LARGE1: variants seen among roughly 807,000 people sequenced by gnomAD.
The protein encoded by LARGE1 is LARGE xylosyl- and glucuronyltransferase 1.
Under a neutral mutation model 87.6 loss-of-function variants are expected in LARGE1, and 43 were observed. That is an observed-to-expected ratio of 0.49 (90% CI 0.38 to 0.63). LARGE1 has a LOEUF of 0.63. Among genes scored for constraint, LARGE1 ranks in the 30% least tolerant of loss-of-function variants. LARGE1 has a pLI of 0.00. For missense variants in LARGE1, 802 were observed against 1,000.2 expected (o/e 0.80, Z 2.67); for synonymous variants, 434 against 394.6 (o/e 1.10, Z -1.18).
chr22:33,187,901 AAC>A (rs1923564656), intron 11 of LARGE1, among the ~76,000 whole-genome samples: 1 of 127,934 alleles, frequency 7.8e-6, no homozygotes, highest in African/African-American at 3.0e-5. Flanking sequence ...TCTCCTGGGC[AAC>A]AGAGTGAGAC....
At chr22:33,128,680 C>CAAAA in the LARGE1 span, among the ~76,000 whole-genome samples, 109 of 110,268 alleles carry the variant, frequency 9.9e-4, no homozygotes, top group Admixed American at 2.9e-3. Flanking sequence ...GTCTCAAAAA[C>CAAAA]AAAAAAAAAA....
chr22:33,831,317 G>A (rs541377756), intron 1 of LARGE1, among the ~76,000 whole-genome samples: 8 of 152,222 alleles, frequency 5.3e-5, no homozygotes, highest in African/African-American at 9.6e-5. Context: ...GAAAGAATTC[G>A]TAAAAAGTCC....
At chr22:33,632,996 G>A (rs1393234641) in intron 3 of LARGE1, among the ~76,000 whole-genome samples, 1 of 152,188 alleles carries the variant, frequency 6.6e-6, no homozygotes, top group African/African-American at 2.4e-5. Context: ...ATACAGGTAA[G>A]GTAGTGCAGA....
At chr22:33,737,161 A>G (rs893881805) in intron 2 of LARGE1, among the ~76,000 whole-genome samples, 1 of 152,190 alleles carries the variant, frequency 6.6e-6, no homozygotes, top group Admixed American at 6.5e-5. Flanking sequence ...TATTTGTCCC[A>G]TAACTGTTTC....
At chr22:33,455,109 C>T (rs2068080768) in intron 6 of LARGE1, among the ~76,000 whole-genome samples, 1 of 152,162 alleles carries the variant, frequency 6.6e-6, no homozygotes, top group African/African-American at 2.4e-5. Context: ...AAGACTTGAC[C>T]CAGGACACCT....
At chr22:33,564,086 TA>T (rs1458300861) in intron 6 of LARGE1, among the ~76,000 whole-genome samples, 11 of 152,142 alleles carry the variant, frequency 7.2e-5, no homozygotes, top group African/African-American at 2.7e-4. Flanking sequence ...AGCGTGCAAT[TA>T]AAAAAATATA....
At chr22:33,731,905 A>G (rs2083482863) in intron 2 of LARGE1, among the ~76,000 whole-genome samples, 1 of 152,220 alleles carries the variant, frequency 6.6e-6, no homozygotes, top group South Asian at 2.1e-4. Flanking sequence ...AGCTTTAGAT[A>G]TAGTCACTGA....
chr22:33,409,801 C>T (rs1428968144), intron 7 of LARGE1, among the ~76,000 whole-genome samples: 2 of 144,744 alleles, frequency 1.4e-5, no homozygotes, highest in African/African-American at 2.6e-5. Context: ...GCAGAGGTTG[C>T]AGTGAGCCAA....
At chr22:33,352,317 A>T (rs1309377606) in intron 9 of LARGE1, among the ~76,000 whole-genome samples, 1 of 152,234 alleles carries the variant, frequency 6.6e-6, no homozygotes, top group African/African-American at 2.4e-5. Context: ...ACCAGGAAAG[A>T]CTGTGACATT....
In LARGE1 at chr22:33,273,190, T is replaced by A; in HGVS notation, c.*1237A>T. The A allele has an allele frequency of 5.2e-6, 2 of 387,936 alleles. No individual in the cohort carries two copies. The highest frequency in any genetic ancestry group is 9.1e-6 in the Non-Finnish European group (2 of 219,718). The allele number at this position is 387,936 out of a possible 1,614,324, so 24.0% of individuals were successfully genotyped here. A position where few individuals can be genotyped will look rare whatever the true frequency, so the allele number is the denominator to read the frequency against. On this transcript the variant is annotated 3_prime_UTR_variant, in exon 15 of 15. Coordinates refer to ENST00000397394, the MANE Select transcript of LARGE1 (RefSeq NM_133642.5). ...GGGCATTAACTCTTGTTCTCATCAA[T>A]GTAAACACAATATTAATATTGAAGA...
chr22:33,875,712 C>T (rs2064442758), intron 1 of LARGE1, among the ~76,000 whole-genome samples: 1 of 152,220 alleles, frequency 6.6e-6, no homozygotes, highest in Admixed American at 6.5e-5. Context: ...CGCCTGATTT[C>T]GTTTAATTGG....
chr22:33,162,855 T>C (rs984520680), exon 12 of LARGE1: 4 of 152,208 alleles, frequency 2.6e-5, no homozygotes, highest in Non-Finnish European at 4.4e-5. Context: ...AATAAGGAGA[T>C]TGTCACCAAT....
intron 2 of LARGE1, among the ~76,000 whole-genome samples, chr22:33,660,061 A>G (rs1292081773): frequency 6.7e-6 from 1 of 148,454 alleles, no homozygotes; most frequent in Non-Finnish European, 1.5e-5. Context: ...CAAAGCTTCA[A>G]ATGTTTTGTT....
At chr22:33,654,710 A>T (rs1171119335) in intron 2 of LARGE1, among the ~76,000 whole-genome samples, 2 of 152,180 alleles carry the variant, frequency 1.3e-5, no homozygotes, top group Non-Finnish European at 2.9e-5. Flanking sequence ...AGCTTTGTGT[A>T]TAGGTCGTAG....
At chr22:33,504,329 A>G (rs2070660351) in intron 6 of LARGE1, among the ~76,000 whole-genome samples, 1 of 152,126 alleles carries the variant, frequency 6.6e-6, no homozygotes, top group East Asian at 1.9e-4. Context: ...GCGCAATCTC[A>G]GCTCACTGCA....
chr22:33,193,936 T>C (rs978910988), intron 11 of LARGE1, among the ~76,000 whole-genome samples: 1 of 94,212 alleles, frequency 1.1e-5, no homozygotes, highest in Non-Finnish European at 2.3e-5. Context: ...ATTAAATATG[T>C]TATAGATTAT....
At chr22:33,401,661 C>G (rs961997888) in intron 7 of LARGE1, among the ~76,000 whole-genome samples, 1 of 151,992 alleles carries the variant, frequency 6.6e-6, no homozygotes, top group Non-Finnish European at 1.5e-5. Context: ...TGTGAAGAAG[C>G]AATTAGGAGG....
the LARGE1 span, among the ~76,000 whole-genome samples, chr22:33,137,680 C>A: frequency 4.6e-5 from 7 of 152,040 alleles, no homozygotes; most frequent in Non-Finnish European, 8.8e-5. Flanking sequence ...GGCCCAGGGT[C>A]CCTGTGCTGT....
chr22:33,531,943 C>A (rs1430557092), intron 6 of LARGE1, among the ~76,000 whole-genome samples: 1 of 152,234 alleles, frequency 6.6e-6, no homozygotes, highest in Non-Finnish European at 1.5e-5. Context: ...TGCATGCCTG[C>A]AAGGTGGGGA....
Sources: allele counts gnomAD v4.1 joint callset (sites outside exome capture counted in the v4.1 genomes callset), GRCh38; gene constraint gnomAD v4.1.1; transcripts MANE v1.5; gene names NCBI Gene and HGNC (gene_info 2026-07-23, HGNC 2026-07-21).